CYP4X1: variants seen among roughly 807,000 people sequenced by gnomAD.
The protein encoded by CYP4X1 is cytochrome P450 4X1.
CYP4X1 carries 44 observed loss-of-function variants against 57.9 expected under a neutral mutation model. That is an observed-to-expected ratio of 0.76 (90% CI 0.60 to 0.98). The LOEUF is 0.98. CYP4X1 is among the 50% of genes least tolerant of loss of function. The probability of loss-of-function intolerance (pLI) is 0.00; values close to 1 mark genes in which losing one functional copy is unlikely to be tolerated. For missense variants in CYP4X1, 532 were observed against 623.9 expected (o/e 0.85, Z 1.57); for synonymous variants, 227 against 228.6 (o/e 0.99, Z 0.06).
chr1:46,974,141 C>A, the CYP4X1 span, among the ~76,000 whole-genome samples: 1 of 152,012 alleles, frequency 6.6e-6, no homozygotes. Context: ...TAGCTTCAAA[C>A]AATTTTTTGA....
chr1:47,001,727 C>T, the CYP4X1 span, among the ~76,000 whole-genome samples: 1 of 152,164 alleles, frequency 6.6e-6, no homozygotes, highest in African/African-American at 2.4e-5. Context: ...TTTCTGGATC[C>T]CTGCTTCTCC....
At chr1:46,979,866 A>G in the CYP4X1 span, among the ~76,000 whole-genome samples, 1 of 152,190 alleles carries the variant, frequency 6.6e-6, no homozygotes, top group Non-Finnish European at 1.5e-5. Context: ...AACAGAACCA[A>G]TGACAAAAAC....
chr1:47,037,515 C>CA (rs1644198493), intron 6 of CYP4X1, among the ~76,000 whole-genome samples: 2 of 152,016 alleles, frequency 1.3e-5, no homozygotes, highest in South Asian at 2.1e-4. Flanking sequence ...TTAGTAATCA[C>CA]AAAAAGCCAT....
chr1:47,015,446 G>C, the CYP4X1 span, among the ~76,000 whole-genome samples: 1 of 152,078 alleles, frequency 6.6e-6, no homozygotes, highest in South Asian at 2.1e-4. Flanking sequence ...GATGCCTCAG[G>C]ATTCTCTAAA....
chr1:47,036,305 C>A, intron 6 of CYP4X1, 134 bp downstream of exon 6: 1 of 1,110,572 alleles, frequency 9.0e-7, no homozygotes, highest in Non-Finnish European at 1.2e-6. Flanking sequence ...GACACTGCTC[C>A]AAAGAAATTT....
At chr1:47,004,814 G>A in the CYP4X1 span, among the ~76,000 whole-genome samples, 49 of 152,182 alleles carry the variant, frequency 3.2e-4, no homozygotes, top group East Asian at 1.4e-3. Context: ...GCAGCTCAGC[G>A]CAAATGTGCA....
At chr1:47,000,630 A>G in the CYP4X1 span, among the ~76,000 whole-genome samples, 1 of 152,158 alleles carries the variant, frequency 6.6e-6, no homozygotes, top group African/African-American at 2.4e-5. Flanking sequence ...GGCAGAAGAA[A>G]GAAGACAGAT....
downstream of CYP4X1, among the ~76,000 whole-genome samples, chr1:47,052,552 T>C (rs1205638009): frequency 6.6e-6 from 1 of 152,142 alleles, no homozygotes; most frequent in Admixed American, 6.6e-5. Context: ...GCATTCACCA[T>C]GGTACTCTTC....
At chr1:47,011,830 G>A in the CYP4X1 span, among the ~76,000 whole-genome samples, 4,516 of 152,138 alleles carry the variant, frequency 0.03, 104 homozygotes, top group Non-Finnish European at 0.045. Context: ...ACTGGCCATC[G>A]GAGAAATGCA....
the CYP4X1 span, among the ~76,000 whole-genome samples, chr1:46,984,608 A>G: frequency 0.29 from 43,634 of 151,900 alleles, 6,654 homozygotes; most frequent in East Asian, 0.56. Flanking sequence ...GCAAGGGGTC[A>G]GGGAACTCCC....
chr1:47,046,520 G>C lies in CYP4X1; in HGVS notation c.1127G>C (p.Arg376Pro), dbSNP rs763250408. 5.0e-6 allele frequency: 8 copies of C among 1,614,014 alleles called. No individual in the cohort carries two copies. The highest frequency in any genetic ancestry group is 6.8e-6 in the Non-Finnish European group (8 of 1,180,028). The change falls in exon 9 of 12, where the codon CGA (arginine) becomes CCA (proline). Residue 376 changes from arginine to proline, a missense_variant. By Grantham distance (103) the Arg-to-Pro change is moderately radical. Coordinates refer to ENST00000371901, the MANE Select transcript of CYP4X1 (RefSeq NM_178033.2). Reference sequence around the variant, plus strand: ...ACAATGTGCATCAAGGAGACGTGCCGATTGATTCCTGCAGTCCCGTCCATT... The same window carrying C: ...ACAATGTGCATCAAGGAGACGTGCCCATTGATTCCTGCAGTCCCGTCCATT... The part of the protein sequence containing the change: ...YTTMCIKETC[R>P]LIPAVPSISR...
At chr1:47,045,559 T>C (rs1423718601) in intron 8 of CYP4X1, among the ~76,000 whole-genome samples, 1 of 152,226 alleles carries the variant, frequency 6.6e-6, no homozygotes, top group Non-Finnish European at 1.5e-5. Context: ...GGTACTTCTT[T>C]GGTCCTAGAA....
the CYP4X1 span, among the ~76,000 whole-genome samples, chr1:46,968,154 GTGGATGGA>G: frequency 6.6e-6 from 1 of 152,174 alleles, no homozygotes; most frequent in Non-Finnish European, 1.5e-5. Flanking sequence ...GGGGCACTTT[GTGGATGGA>G]TGGTCCTCAG....
chr1:46,963,627 T>G, the CYP4X1 span, among the ~76,000 whole-genome samples: 1 of 152,378 alleles, frequency 6.6e-6, no homozygotes, highest in South Asian at 2.1e-4. Flanking sequence ...GTTAGTCTGA[T>G]GGGCTTCCCT....
rs1190558901 is a variant in CYP4X1, at chr1:47,050,273, A to G, written c.*99A>G. On this transcript the variant is annotated 3_prime_UTR_variant, in exon 12 of 12. Transcript: ENST00000371901. ...AAAGGGATCAATGTATGGTGGGAGG[A>G]TTGGAGGTTGGTGGGATAGGGGTCT... 1 of 1,415,938 alleles carries G rather than the reference A, an allele frequency of 7.1e-7. No homozygotes were observed. Among genetic ancestry groups the G allele is most frequent in the Non-Finnish European group, 9.7e-7 (1 of 1,028,150 alleles). 87.7% of individuals were successfully genotyped at this position (1,415,938 alleles called of 1,614,324 possible). A position where few individuals can be genotyped will look rare whatever the true frequency, so the allele number is the denominator to read the frequency against.
chr1:46,986,353 G>A, the CYP4X1 span, among the ~76,000 whole-genome samples: 1 of 152,056 alleles, frequency 6.6e-6, no homozygotes, highest in Non-Finnish European at 1.5e-5. Flanking sequence ...GAAAAGAAAT[G>A]AGCAAAGTGT....
At chr1:46,974,797 A>T in the CYP4X1 span, among the ~76,000 whole-genome samples, 1 of 152,038 alleles carries the variant, frequency 6.6e-6, no homozygotes, top group Non-Finnish European at 1.5e-5. Context: ...ATCTTTCTCC[A>T]TCCCTTTTCT....
downstream of CYP4X1, among the ~76,000 whole-genome samples, chr1:47,054,186 C>T (rs1041414272): frequency 2.6e-5 from 4 of 151,738 alleles, no homozygotes; most frequent in Admixed American, 1.3e-4. Flanking sequence ...ATTGTTTCCC[C>T]ATTTCTTGTT....
chr1:47,048,583 G>T lies in CYP4X1; in HGVS notation c.1226G>T (p.Ser409Ile). The T allele has an allele frequency of 6.2e-7, 1 of 1,614,118 alleles. No individual in the cohort carries two copies. The highest frequency in any genetic ancestry group is 1.3e-5 in the African/African-American group (1 of 75,030). ...TTCTTAGGGATCACCGTGGTTCTTA[G>T]TATTTGGGGTCTTCACCACAACCCT... ...TLPAGITVVL[S>I]IWGLHHNPAV... Residue 409 changes from serine (S) to isoleucine (I), a missense_variant, in exon 10 of 12, where the codon AGT becomes ATT. Physicochemically the swap from Ser to Ile is moderately radical, Grantham distance 142. Coordinates refer to ENST00000371901, the MANE Select transcript of CYP4X1 (RefSeq NM_178033.2).
Sources: gnomAD v4.1 joint callset for allele counts (sites outside exome capture counted in the v4.1 genomes callset) on GRCh38, gnomAD v4.1.1 for gene constraint, MANE v1.5 for transcripts, NCBI Gene and HGNC (gene_info 2026-07-23, HGNC 2026-07-21) for gene names.